Variants in OPCML observed in about 807,000 individuals in gnomAD.
OPCML encodes opioid-binding protein/cell adhesion molecule.
In OPCML, 13 loss-of-function variants were observed where a neutral mutation model predicts 37.8. The observed-to-expected ratio is 0.34, with a 90% CI of 0.22 to 0.55. The LOEUF is 0.55. Among genes scored for constraint, OPCML ranks in the 20% least tolerant of loss-of-function variants. The pLI is 0.91. For missense variants in OPCML, 341 were observed against 435.6 expected, an observed-to-expected ratio of 0.78 and a Z score of 1.93; for synonymous variants, 176 against 168.8, an observed-to-expected ratio of 1.04 and a Z score of -0.33.
chr11:132,845,862 C>T (rs534729303), intron 2 of OPCML, among the ~76,000 whole-genome samples: 8 of 152,224 alleles, frequency 5.3e-5, no homozygotes, highest in Non-Finnish European at 8.8e-5. Flanking sequence ...GCCCCATTCC[C>T]TGCTCAGTCT....
At chr11:132,845,352 C>T (rs1941479951) in intron 2 of OPCML, among the ~76,000 whole-genome samples, 1 of 152,214 alleles carries the variant, frequency 6.6e-6, no homozygotes, top group Non-Finnish European at 1.5e-5. Flanking sequence ...CTTTGAACAA[C>T]AGCTTAAGAA....
At position 132,920,393 on chromosome 11, in the gene OPCML, G is replaced by C. The variant is rs367914188; in HGVS notation, c.146+22533C>G. 4.4e-4 allele frequency among the ~76,000 whole-genome samples: 67 copies of C among 152,282 alleles called. No homozygotes were observed. The South Asian group carries it at 0.013, about 29-fold the overall frequency. On this transcript the variant is annotated intron_variant, in intron 2 of 7. Coordinates refer to ENST00000524381, the MANE Select transcript of OPCML (RefSeq NM_001012393.5). ...TCCTCATCTGTGAAGTGGAGAGAAC[G>C]TTGGCTCTAAACACTAAAACTAAAA...
At chr11:133,234,976 C>T (rs1940445728) in intron 1 of OPCML, among the ~76,000 whole-genome samples, 1 of 152,094 alleles carries the variant, frequency 6.6e-6, no homozygotes, top group Non-Finnish European at 1.5e-5. Context: ...GTGTGTTCCT[C>T]CCTAATGCCG....
At chr11:132,769,432 G>A (rs1469372424) in intron 2 of OPCML, among the ~76,000 whole-genome samples, 1 of 152,084 alleles carries the variant, frequency 6.6e-6, no homozygotes, top group Admixed American at 6.5e-5. Context: ...GCCTCAGTAA[G>A]GGGTCACTGA....
chr11:132,446,880 C>T (rs547046928), intron 4 of OPCML, among the ~76,000 whole-genome samples: 1 of 152,306 alleles, frequency 6.6e-6, no homozygotes, highest in South Asian at 2.1e-4. Flanking sequence ...CAGCAACCTA[C>T]TCAAGCACAG....
At chr11:133,047,588 C>T (rs984779300) in intron 1 of OPCML, among the ~76,000 whole-genome samples, 1 of 152,060 alleles carries the variant, frequency 6.6e-6, no homozygotes, top group African/African-American at 2.4e-5. Flanking sequence ...TGAGGTCTCC[C>T]GCAGCTGTAC....
chr11:132,604,735 C>A (rs1445744294), intron 3 of OPCML, among the ~76,000 whole-genome samples: 2 of 152,160 alleles, frequency 1.3e-5, no homozygotes, highest in Non-Finnish European at 2.9e-5. Flanking sequence ...TTCTCTGCCT[C>A]CCACATTTAA....
chr11:133,312,368 C>T (rs769802365), intron 1 of OPCML, among the ~76,000 whole-genome samples: 19 of 152,196 alleles, frequency 1.2e-4, no homozygotes, highest in Admixed American at 2.6e-4. Context: ...AGACTTGTTT[C>T]GCACGGATTC....
At chr11:133,262,096 T>C (rs2136458524) in intron 1 of OPCML, among the ~76,000 whole-genome samples, 1 of 152,330 alleles carries the variant, frequency 6.6e-6, no homozygotes, top group African/African-American at 2.4e-5. Flanking sequence ...AAATAAAAAT[T>C]ATATACGCTT....
intron 3 of OPCML, among the ~76,000 whole-genome samples, chr11:132,574,587 T>C (rs2096446169): frequency 6.6e-6 from 1 of 152,120 alleles, no homozygotes; most frequent in South Asian, 2.1e-4. Context: ...TCTCCTAATA[T>C]TAGTTTCCAG....
intron 1 of OPCML, among the ~76,000 whole-genome samples, chr11:133,016,732 G>A (rs997300532): frequency 6.6e-6 from 1 of 152,128 alleles, no homozygotes; most frequent in African/African-American, 2.4e-5. Context: ...AGAGAGAGAA[G>A]GGATGTCTCC....
chr11:133,458,187 TACAC>T lies in OPCML; in HGVS notation c.61+74073_61+74076del, dbSNP rs1464919338. On this transcript the variant is annotated intron_variant, in intron 1 of 7. Coordinates refer to ENST00000524381, the MANE Select transcript of OPCML (RefSeq NM_001012393.5). ...ATACATATACATATATGTGTATATA[TACAC>T]ATATATACACGTGTGTGTATATATA... Among the ~76,000 whole-genome samples, 154 of 140,708 alleles carry T rather than the reference TACAC, an allele frequency of 1.1e-3. 19 individuals carry two copies. The highest frequency in any genetic ancestry group is 2.3e-3 in the African/African-American group (77 of 32,974). 92.3% of individuals were successfully genotyped at this position (140,708 alleles called of 152,430 possible).
chr11:132,762,284 G>A (rs59769964), intron 2 of OPCML, among the ~76,000 whole-genome samples: 3,067 of 152,324 alleles, frequency 0.02, 83 homozygotes, highest in African/African-American at 0.067. Flanking sequence ...CAGGAGGCAT[G>A]GGGGTCAGGG....
At chr11:132,851,865 C>T (rs796630423) in intron 2 of OPCML, among the ~76,000 whole-genome samples, 1 of 152,056 alleles carries the variant, frequency 6.6e-6, no homozygotes, top group African/African-American at 2.4e-5. Flanking sequence ...CATGAAAGAA[C>T]GCGATGTGAG....
chr11:133,084,006 T>C (rs919860742), intron 1 of OPCML, among the ~76,000 whole-genome samples: 2 of 152,348 alleles, frequency 1.3e-5, no homozygotes, highest in African/African-American at 4.8e-5. Flanking sequence ...ACTTTTTGCA[T>C]GCTCCCGCCT....
intron 1 of OPCML, among the ~76,000 whole-genome samples, chr11:133,464,972 C>G (rs933328706): frequency 6.6e-6 from 1 of 152,106 alleles, no homozygotes; most frequent in Non-Finnish European, 1.5e-5. Flanking sequence ...GGGCTAGACA[C>G]AGTAAAGGCT....
intron 1 of OPCML, among the ~76,000 whole-genome samples, chr11:133,286,442 C>A (rs1942301177): frequency 9.3e-6 from 1 of 107,492 alleles, no homozygotes; most frequent in Non-Finnish European, 1.6e-5. Context: ...TGCACTCCAG[C>A]CTGGCGACAG....
At chr11:133,020,002 C>T (rs1043418577) in intron 1 of OPCML, among the ~76,000 whole-genome samples, 9 of 152,232 alleles carry the variant, frequency 5.9e-5, no homozygotes, top group Non-Finnish European at 7.3e-5. Context: ...CGAAGCAGCA[C>T]GGCTGTGTTC....
intron 1 of OPCML, among the ~76,000 whole-genome samples, chr11:133,377,627 A>AAAAAAAAAAAAAAAAAAAAAT: frequency 6.6e-6 from 1 of 150,868 alleles, no homozygotes; most frequent in African/African-American, 2.4e-5. Flanking sequence ...AAAAAAAAAA[A>AAAAAAAAAAAAAAAAAAAAAT]GAGCACCAAG....
Sources: allele counts gnomAD v4.1 joint callset (sites outside exome capture counted in the v4.1 genomes callset), GRCh38; gene constraint gnomAD v4.1.1; transcripts MANE v1.5; gene names NCBI Gene and HGNC (gene_info 2026-07-23, HGNC 2026-07-21).